The following PDGFRA variants were observed in gnomAD, a reference collection of about 807,000 sequenced individuals.
The protein encoded by PDGFRA is platelet-derived growth factor receptor alpha.
PDGFRA carries 25 observed loss-of-function variants against 121.5 expected under a neutral mutation model. The observed-to-expected ratio is 0.21, with a 90% CI of 0.15 to 0.29. The LOEUF (loss-of-function observed/expected upper bound fraction) is 0.29, where lower values mean the gene tolerates loss of function less well. Ranked by LOEUF, PDGFRA falls within the 10% of genes least tolerant of loss-of-function variation. The pLI, the probability that PDGFRA is intolerant of heterozygous loss-of-function variation, is 1.00. For missense variants in PDGFRA, 1,008 were observed against 1,345.1 expected (o/e 0.75, Z 3.92); for synonymous variants, 463 against 494.8 (o/e 0.94, Z 0.85).
At chr4:54,271,962 TCCCCTCCCCCCTCCCCTC>T (rs1723405332) in intron 8 of PDGFRA, among the ~76,000 whole-genome samples, 4 of 3,008 alleles carry the variant, frequency 1.3e-3, no homozygotes, top group South Asian at 0.026. Context: ...CATTCTCCCC[TCCCCTCCCCCCTCCCCTC>T]CCCCTCCCCT....
rs954108936 is a variant in PDGFRA, at chr4:54,249,166, T to G, written c.-12-9591T>G. Among the ~76,000 whole-genome samples, 3 of 152,290 alleles carry G rather than the reference T, an allele frequency of 2.0e-5. No individual in the cohort carries two copies. The South Asian group carries it at 6.2e-4, about 32-fold the overall frequency. ...TAAACTAGTTCAACCCTTGTGGGAC[T>G]GTAAACTATTTGGTTGGTGGGACTG... is the stretch of plus-strand genomic sequence containing the variant. On this transcript the variant is annotated intron_variant, in intron 1 of 22. Transcript: ENST00000257290.
intron 3 of PDGFRA, among the ~76,000 whole-genome samples, chr4:54,261,931 A>ATATATATATTTT (rs57094735): frequency 1.7e-5 from 1 of 58,414 alleles, no homozygotes; most frequent in African/African-American, 6.7e-5. Context: ...ATATATATAT[A>ATATATATATTTT]TTTTTTTTTT....
chr4:54,274,746 G>A (rs2110298255), intron 11 of PDGFRA, 95 bp from the exon 12 acceptor site: 1 of 1,495,930 alleles, frequency 6.7e-7, no homozygotes, highest in Non-Finnish European at 9.3e-7. Context: ...AACGTTGTTG[G>A]ACTCTACTGT....
At position 54,295,794 on chromosome 4, in the gene PDGFRA, G is replaced by T. The variant is rs1165998654; in HGVS notation, c.*522G>T. 12 of 242,358 alleles carry T rather than the reference G, an allele frequency of 5.0e-5. No individual in the cohort carries two copies. Among genetic ancestry groups the T allele is most frequent in the African/African-American group, 2.6e-4 (12 of 45,406 alleles). The allele number at this position is 242,358 out of a possible 1,614,324, so 15.0% of individuals were successfully genotyped here. The stretch of plus-strand genomic sequence containing the variant: ...GAAAAACCATTTTTGAACCTTAAAA[G>T]GTACTGGTACTATAGCATTTTGCTA... On this transcript the variant is annotated 3_prime_UTR_variant, in exon 23 of 23. Transcript: ENST00000257290.
In PDGFRA at chr4:54,270,738, G is replaced by A. The variant is rs2110280310; in HGVS notation, c.1227G>A (p.Leu409=). The change falls in exon 8 of 23, where the codon CTG becomes CTA. Residue 409 remains leucine, a synonymous_variant. Coordinates refer to ENST00000257290, the MANE Select transcript of PDGFRA (RefSeq NM_006206.6). The part of the protein sequence containing the change: ...EDAVKSYTFE[L]LTQVPSSILD... ...CTGTGAAGAGCTATACTTTTGAACT[G>A]TTAACTCAAGGTATGTAAAGGGAGT... 6.5e-7 allele frequency: 1 copy of A among 1,549,384 alleles called. No individual in the cohort carries two copies. The highest frequency in any genetic ancestry group is 8.9e-7 in the Non-Finnish European group (1 of 1,121,116).
chr4:54,264,174 A>T, intron 4 of PDGFRA: 1 of 557,108 alleles, frequency 1.8e-6, no homozygotes, highest in Non-Finnish European at 3.1e-6. Context: ...TACTGTAAGG[A>T]ATTCTTTTCT....
At chr4:54,259,309 A>G (rs536697199) in intron 2 of PDGFRA, among the ~76,000 whole-genome samples, 2 of 152,308 alleles carry the variant, frequency 1.3e-5, no homozygotes, top group Admixed American at 6.5e-5. Context: ...GCAAGACCTC[A>G]TTTAAAAAAA....
intron 22 of PDGFRA, among the ~76,000 whole-genome samples, chr4:54,294,567 T>G (rs1163222256): frequency 3.3e-5 from 5 of 151,832 alleles, no homozygotes; most frequent in Admixed American, 6.6e-5. Flanking sequence ...GCTTTCTGAC[T>G]CCAGAACTCC....
In PDGFRA at chr4:54,289,069, C is replaced by T. The variant is rs2110345892; in HGVS notation, c.2835C>T (p.His945=). ...CGGAGAAGAGACCCTCCTTTTACCA[C>T]CTGAGTGAGATTGTGGAGAATCTGC... is the stretch of plus-strand genomic sequence containing the variant. ...SEPEKRPSFY[H]LSEIVENLLP... Residue 945 remains histidine, a synonymous_variant, in exon 21 of 23, where the codon CAC becomes CAT. Coordinates refer to ENST00000257290, the MANE Select transcript of PDGFRA (RefSeq NM_006206.6). 1.2e-6 allele frequency: 2 copies of T among 1,609,864 alleles called. No homozygotes were observed. The highest frequency in any genetic ancestry group is 1.7e-6 in the Non-Finnish European group (2 of 1,176,442).
Position 54,273,672 on chromosome 4 carries a change from A to G in PDGFRA, c.1500A>G (p.Arg500=). The part of the protein sequence containing the change: ...FAKVEETIAV[R]CLAKNLLGAE... ...AAGTGGAGGAGACCATCGCCGTGCG[A>G]TGCCTGGCTAAGAATCTCCTTGGAG... is the stretch of plus-strand genomic sequence containing the variant. The change falls in exon 10 of 23, where the codon CGA becomes CGG. Residue 500 remains arginine (R), a synonymous_variant. Coordinates refer to ENST00000257290, the MANE Select transcript of PDGFRA (RefSeq NM_006206.6). The G allele has an allele frequency of 2.5e-6, 4 of 1,614,062 alleles. No individual in the cohort carries two copies. The highest frequency in any genetic ancestry group is 3.4e-6 in the Non-Finnish European group (4 of 1,180,020).
intron 1 of PDGFRA, among the ~76,000 whole-genome samples, chr4:54,256,127 A>T (rs955200988): frequency 3.3e-5 from 5 of 152,168 alleles, no homozygotes; most frequent in Non-Finnish European, 5.9e-5. Flanking sequence ...TTATGCCTGT[A>T]ATCCCAGTAC....
At position 54,290,548 on chromosome 4, in the gene PDGFRA, G is replaced by A. The variant is rs756081317; in HGVS notation, c.3116G>A (p.Arg1039Lys). 6.2e-7 allele frequency: 1 copy of A among 1,614,200 alleles called. No individual in the cohort carries two copies. Among genetic ancestry groups the A allele is most frequent in the South Asian group, 1.1e-5 (1 of 91,086 alleles). ...GAGGAGGACCTGGGCAAGAGGAACA[G>A]ACACAGGTAGCTGTGGGGGCAGCCT... ...PEEEDLGKRN[R>K]HSSQTSEESA... Residue 1039 changes from arginine (R) to lysine (K), a missense_variant, in exon 22 of 23, where the codon AGA (arginine) becomes AAA (lysine). By Grantham distance (26) the Arg-to-Lys change is conservative. Transcript: ENST00000257290.
At position 54,272,445 on chromosome 4, in the gene PDGFRA, G is replaced by T. The variant is rs202072966; in HGVS notation, c.1289G>T (p.Gly430Val). The change falls in exon 9 of 23, where the codon GGA (glycine) becomes GTA (valine). Residue 430 changes from glycine to valine, a missense_variant. By Grantham distance (109) the Gly-to-Val change is moderately radical. Coordinates refer to ENST00000257290, the MANE Select transcript of PDGFRA (RefSeq NM_006206.6). ...LVDDHHGSTGGQTVRCTAEGT... is the reference protein window; with the variant it reads ...LVDDHHGSTGVQTVRCTAEGT... ...GATGATCACCATGGCTCAACTGGGG[G>T]ACAGACGGTGAGGTGCACAGCTGAA... 3.1e-6 allele frequency: 5 copies of T among 1,613,854 alleles called. No individual in the cohort carries two copies. The highest frequency in any genetic ancestry group is 8.5e-7 in the Non-Finnish European group (1 of 1,179,934).
At chr4:54,282,234 G>A (rs1724115976) in intron 16 of PDGFRA, among the ~76,000 whole-genome samples, 1 of 152,112 alleles carries the variant, frequency 6.6e-6, no homozygotes, top group Non-Finnish European at 1.5e-5. Context: ...ACTTGAGACT[G>A]GGTAATTTAT....
chr4:54,284,573 AG>A (rs1285527210), intron 16 of PDGFRA, among the ~76,000 whole-genome samples: 8 of 150,820 alleles, frequency 5.3e-5, no homozygotes, highest in Non-Finnish European at 1.0e-4. Flanking sequence ...ACAGAGAGAG[AG>A]AGAGAGAGAG....
In PDGFRA at chr4:54,295,950, T is replaced by C. The variant is rs889029064; in HGVS notation, c.*678T>C. On this transcript the variant is annotated 3_prime_UTR_variant, in exon 23 of 23. Coordinates refer to ENST00000257290, the MANE Select transcript of PDGFRA (RefSeq NM_006206.6). ...TTTATAATACTACTACTGTTATCAG[T>C]AATGCTAAATGTGTAATAATGTAAC... The C allele has an allele frequency of 6.0e-4, 140 of 233,216 alleles. 1 individual carries two copies. Among genetic ancestry groups the C allele is most frequent in the African/African-American group, 3.0e-3 (135 of 45,456 alleles). The allele number at this position is 233,216 out of a possible 1,614,324, so 14.4% of individuals were successfully genotyped here. A position where few individuals can be genotyped will look rare whatever the true frequency, so the allele number is the denominator to read the frequency against.
At chr4:54,237,963 GCTGTGTGA>G (rs1323710363) in intron 1 of PDGFRA, among the ~76,000 whole-genome samples, 3 of 152,218 alleles carry the variant, frequency 2.0e-5, no homozygotes, top group Non-Finnish European at 4.4e-5. Context: ...TCTGTCACTG[GCTGTGTGA>G]CTTTGGGTCA....
chr4:54,239,209 G>T (rs1721167232), intron 1 of PDGFRA, among the ~76,000 whole-genome samples: 1 of 152,160 alleles, frequency 6.6e-6, no homozygotes, highest in Non-Finnish European at 1.5e-5. Flanking sequence ...AAAAGGGGAG[G>T]AACCCTCAGT....
chr4:54,287,006 G>A (rs758827999), intron 18 of PDGFRA, among the ~76,000 whole-genome samples: 4 of 152,118 alleles, frequency 2.6e-5, no homozygotes, highest in Non-Finnish European at 5.9e-5. Context: ...AAAGACATGG[G>A]CCTGCATCCA....
Sources: allele counts gnomAD v4.1 joint callset (sites outside exome capture counted in the v4.1 genomes callset), GRCh38; gene constraint gnomAD v4.1.1; transcripts MANE v1.5; gene names NCBI Gene and HGNC (gene_info 2026-07-23, HGNC 2026-07-21).